Variants in DIDO1 observed in about 807,000 individuals in gnomAD.
DIDO1 encodes the protein death-inducer obliterator 1.
DIDO1 carries 16 observed loss-of-function variants against 99.4 expected under a neutral mutation model. That is an observed-to-expected ratio of 0.16 (90% CI 0.11 to 0.24). The LOEUF is 0.24. DIDO1 is among the 10% of genes least tolerant of loss of function. The pLI is 1.00. For synonymous variants in DIDO1, 1,366 were observed against 1,239.1 expected (o/e 1.10, Z -2.15); for missense variants, 2,996 against 3,014.0 (o/e 0.99, Z 0.14).
chr20:62,881,995 G>C lies in DIDO1; in HGVS notation c.3961C>G (p.Leu1321Val). 6.2e-7 allele frequency: 1 copy of C among 1,613,544 alleles called. No homozygotes were observed. Among genetic ancestry groups the C allele is most frequent in the Non-Finnish European group, 8.5e-7 (1 of 1,180,032 alleles). Reference sequence around the variant, plus strand: ...TCGAATGATTTCTTCTTTCCAAAGAGAGTCTGCAGGATGTGCTCCAGCGGT... The same window carrying C: ...TCGAATGATTTCTTCTTTCCAAAGACAGTCTGCAGGATGTGCTCCAGCGGT... ...ASPLEHILQT[L>V]FGKKKSFDPS... The change falls in exon 16 of 16, where the codon CTC becomes GTC. Residue 1321 changes from leucine (L) to valine (V), a missense_variant. Physicochemically the swap from Leu to Val is conservative, Grantham distance 32. This residue lies in a region of DIDO1 where 1,562 missense variants were observed against 1,412.6 expected (regional missense o/e 1.11). Coordinates refer to ENST00000395343, the MANE Select transcript of DIDO1 (RefSeq NM_001193369.2). The surrounding 1 kb of genome is among the most constrained non-coding windows in gnomAD (Gnocchi z 8.3).
chr20:62,928,531 C>T (rs1294025070), upstream of DIDO1: 1 of 152,100 alleles, frequency 6.6e-6, no homozygotes, highest in South Asian at 2.1e-4. Context: ...CCTGCCGTCA[C>T]TATTCCTGGG....
rs763169157 is a variant in DIDO1, at chr20:62,894,084, C to T, written c.2683G>A (p.Ala895Thr). Residue 895 changes from alanine to threonine, a missense_variant, in exon 12 of 16, where the codon GCT (alanine) becomes ACT (threonine). Ala to Thr is a moderately conservative substitution (Grantham distance 58). This residue lies in a region of DIDO1 where 898 missense variants were observed against 972.7 expected (regional missense o/e 0.92). Coordinates refer to ENST00000395343, the MANE Select transcript of DIDO1 (RefSeq NM_001193369.2). The surrounding 1 kb of genome is among the most constrained non-coding windows in gnomAD (Gnocchi z 4.4). ...SKHDSSAPDP[A>T]PDSADEVMPE... Reference sequence around the variant, plus strand: ...ATCACCTCATCAGCTGAATCCGGAGCTGGGTCAGGTGCAGAGCTGTCATGC... The same window carrying T: ...ATCACCTCATCAGCTGAATCCGGAGTTGGGTCAGGTGCAGAGCTGTCATGC... 1 of 1,614,224 alleles carries T rather than the reference C, an allele frequency of 6.2e-7. No individual in the cohort carries two copies. The highest frequency in any genetic ancestry group is 8.5e-7 in the Non-Finnish European group (1 of 1,180,044).
At chr20:62,926,108 C>G (rs981995294) in intron 1 of DIDO1, among the ~76,000 whole-genome samples, 6 of 152,138 alleles carry the variant, frequency 3.9e-5, no homozygotes, top group Non-Finnish European at 7.4e-5. Flanking sequence ...CTCTTCCCCG[C>G]GAGCGGCCGC....
At chr20:62,937,404 C>G (rs2065401723) in intron 1 of DIDO1, among the ~76,000 whole-genome samples, 1 of 152,180 alleles carries the variant, frequency 6.6e-6, no homozygotes, top group Non-Finnish European at 1.5e-5. Context: ...CCCGGCCCTG[C>G]CCCGCGCCGC....
chr20:62,919,863 A>G (rs76412642), intron 1 of DIDO1, among the ~76,000 whole-genome samples: 5,308 of 152,278 alleles, frequency 0.035, 124 homozygotes, highest in Non-Finnish European at 0.045. Context: ...GGAAATTTCA[A>G]CTCTCCAAAT....
In DIDO1 at chr20:62,880,883, C is replaced by T. The variant is rs1263541091; in HGVS notation, c.5073G>A (p.Gln1691=). The T allele has an allele frequency of 6.2e-7, 1 of 1,612,310 alleles. No homozygotes were observed. Among genetic ancestry groups the T allele is most frequent in the Admixed American group, 1.7e-5 (1 of 60,026 alleles). ...ACTGGGCTGAGCCGAGAGCCTTGTC[C>T]TGCGACGCGAACCCCGGGCAGGTGA... ...DPFTCPGFAS[Q]DKALGSAQYE... The change falls in exon 16 of 16, where the codon CAG becomes CAA. Residue 1691 remains glutamine, a synonymous_variant. Coordinates refer to ENST00000395343, the MANE Select transcript of DIDO1 (RefSeq NM_001193369.2).
At position 62,905,763 on chromosome 20, in the gene DIDO1, T is replaced by C; in HGVS notation, c.1588+124A>G. On this transcript the variant is annotated intron_variant, in intron 6 of 15. Coordinates refer to ENST00000395343, the MANE Select transcript of DIDO1 (RefSeq NM_001193369.2). The stretch of plus-strand genomic sequence containing the variant: ...CATGGGCTCTGCTTCCCGCTGATGG[T>C]GCAGCCGGTGTCTGTGATCAGCTTA... The C allele has an allele frequency of 2.5e-6, 4 of 1,608,952 alleles. No individual in the cohort carries two copies. In the East Asian group the frequency reaches 8.9e-5, roughly 36 times the overall value.
chr20:62,922,107 TATAC>T (rs1268816388), intron 1 of DIDO1, among the ~76,000 whole-genome samples: 2 of 66,182 alleles, frequency 3.0e-5, no homozygotes, highest in African/African-American at 1.1e-4. Context: ...ACACTATATA[TATAC>T]ACACACACAC....
intron 6 of DIDO1, among the ~76,000 whole-genome samples, chr20:62,901,876 T>C (rs761952590): frequency 3.6e-4 from 54 of 151,502 alleles, no homozygotes; most frequent in Non-Finnish European, 7.1e-4. Context: ...TACCTGAAAC[T>C]TGTGTACCAC....
chr20:62,937,508 C>T (rs1389598127), intron 1 of DIDO1, among the ~76,000 whole-genome samples: 1 of 152,252 alleles, frequency 6.6e-6, no homozygotes, highest in Non-Finnish European at 1.5e-5. Context: ...GGGAGGCGCC[C>T]TGAGGGCAGG....
intron 1 of DIDO1, among the ~76,000 whole-genome samples, chr20:62,936,829 GCTC>G (rs1386005300): frequency 9.2e-5 from 14 of 152,048 alleles, no homozygotes; most frequent in Admixed American, 9.2e-4. Flanking sequence ...GCGCCACTGC[GCTC>G]CAGCCTGGGC....
Position 62,907,103 on chromosome 20 carries a change from G to A in DIDO1, c.1374+44C>T, listed in dbSNP as rs1038752571. 13 of 1,598,426 alleles carry A rather than the reference G, an allele frequency of 8.1e-6. No homozygotes were observed. In the Middle Eastern group the frequency reaches 9.9e-4, roughly 122 times the overall value. ...ACAGTTCTGCGACAAACGCTCTCAC[G>A]CCTGTGCGTCCACTGCCTGGGCGGC... is the stretch of plus-strand genomic sequence containing the variant. On this transcript the variant is annotated intron_variant, in intron 5 of 15. Transcript: ENST00000395343.
Position 62,894,401 on chromosome 20 carries a change from C to T in DIDO1, c.2572+12G>A. Reference sequence around the variant, plus strand: ...CTCAGCTCCAAGGCTCCATCCCCTGCACTGTGCTCACCTGTGCAAATTTTA... The same window carrying T: ...CTCAGCTCCAAGGCTCCATCCCCTGTACTGTGCTCACCTGTGCAAATTTTA... On this transcript the variant is annotated intron_variant, in intron 11 of 15. Coordinates refer to ENST00000395343, the MANE Select transcript of DIDO1 (RefSeq NM_001193369.2). The surrounding 1 kb of genome is among the most constrained non-coding windows in gnomAD (Gnocchi z 4.4). The T allele has an allele frequency of 6.2e-7, 1 of 1,610,554 alleles. No individual in the cohort carries two copies. Among genetic ancestry groups the T allele is most frequent in the Non-Finnish European group, 8.5e-7 (1 of 1,179,836 alleles).
chr20:62,917,836 C>G (rs527982649), intron 1 of DIDO1, among the ~76,000 whole-genome samples: 497 of 152,322 alleles, frequency 3.3e-3, no homozygotes, highest in African/African-American at 0.011. Context: ...ATGCAAATGT[C>G]AAACTCACCA....
At chr20:62,901,296 T>C (rs1043235340) in intron 6 of DIDO1, among the ~76,000 whole-genome samples, 11 of 152,198 alleles carry the variant, frequency 7.2e-5, no homozygotes, top group Non-Finnish European at 1.2e-4. Context: ...TACCCGCTAC[T>C]TGAGTGCCTT....
Position 62,922,109 on chromosome 20 carries a change from T to TACACACACAC in DIDO1, c.-200+4320_-200+4329dup, listed in dbSNP as rs58178322. ...ACACTATATATACACACTATATATA[T>TACACACACAC]ACACACACACACACACATATATACA... On this transcript the variant is annotated intron_variant, in intron 1 of 15. Coordinates refer to ENST00000395343, the MANE Select transcript of DIDO1 (RefSeq NM_001193369.2). Among the ~76,000 whole-genome samples the TACACACACAC allele has an allele frequency of 1.2e-3, 131 of 110,636 alleles. 1 individual carries two copies. In the Middle Eastern group the frequency reaches 0.02, roughly 17 times the overall value. 72.6% of individuals were successfully genotyped at this position (110,636 alleles called of 152,430 possible).
rs553375965 is a variant in DIDO1 at position 62,905,973 on chromosome 20, C to T, written c.1502G>A (p.Ser501Asn). The T allele has an allele frequency of 6.2e-7, 1 of 1,614,094 alleles. No individual in the cohort carries two copies. Among genetic ancestry groups the T allele is most frequent in the Non-Finnish European group, 8.5e-7 (1 of 1,180,042 alleles). Residue 501 changes from serine to asparagine, a missense_variant, in exon 6 of 16, where the codon AGC becomes AAC. Around this residue, in one of 5 missense-constraint regions of DIDO1, gnomAD observed 898 missense variants for 972.7 expected, o/e 0.92. Coordinates refer to ENST00000395343, the MANE Select transcript of DIDO1 (RefSeq NM_001193369.2). ...ALGKEAACES[S>N]TPSWASDHNY... is the part of the protein sequence containing the mutation. ...GTGATCGCTCGCCCACGACGGCGTG[C>T]TGCTCTCACAAGCTGCTTCCTTCCC...
intron 1 of DIDO1, among the ~76,000 whole-genome samples, chr20:62,935,531 G>A (rs748497198): frequency 2.0e-5 from 3 of 152,166 alleles, no homozygotes; most frequent in Non-Finnish European, 2.9e-5. Context: ...AGACTTCCCC[G>A]AGAAAGCCAC....
At chr20:62,922,310 G>A (rs1417408127) in intron 1 of DIDO1, among the ~76,000 whole-genome samples, 1 of 151,560 alleles carries the variant, frequency 6.6e-6, no homozygotes, top group Non-Finnish European at 1.5e-5. Flanking sequence ...CAGGGTCTTG[G>A]GAGCATCTCT....
Sources: gnomAD v4.1 joint callset for allele counts (sites outside exome capture counted in the v4.1 genomes callset) on GRCh38, gnomAD v4.1.1 for gene constraint, gnomAD v4.1.1 regional missense constraint, Gnocchi (gnomAD v3.1) non-coding constraint, MANE v1.5 for transcripts, NCBI Gene and HGNC (gene_info 2026-07-23, HGNC 2026-07-21) for gene names.